Variants in ELMO1 observed in about 807,000 individuals in gnomAD.
ELMO1 encodes engulfment and cell motility protein 1.
In ELMO1, 26 loss-of-function variants were observed where a neutral mutation model predicts 98.9. That is an observed-to-expected ratio of 0.26 (90% CI 0.19 to 0.36). ELMO1 has a LOEUF of 0.36. Among genes scored for constraint, ELMO1 ranks in the 10% least tolerant of loss-of-function variants. The pLI, the probability that ELMO1 is intolerant of heterozygous loss-of-function variation, is 1.00. For missense variants in ELMO1, 627 were observed against 935.2 expected (o/e 0.67, Z 4.30); for synonymous variants, 346 against 346.0 (o/e 1.00, Z 0.00).
chr7:37,277,825 T>C (rs1179461921), intron 4 of ELMO1, among the ~76,000 whole-genome samples: 2 of 152,244 alleles, frequency 1.3e-5, no homozygotes, highest in African/African-American at 4.8e-5. Flanking sequence ...AACAGCACTT[T>C]GTATGCTTCC....
chr7:36,895,048 T>C (rs537716479), intron 16 of ELMO1, 31 bp from the exon 17 acceptor site: 3 of 1,610,852 alleles, frequency 1.9e-6, no homozygotes, highest in East Asian at 2.2e-5. Context: ...ATCATTTTCC[T>C]GGGGGCTGAC....
At chr7:36,860,248 G>C (rs1280550630) in intron 21 of ELMO1, among the ~76,000 whole-genome samples, 1 of 152,122 alleles carries the variant, frequency 6.6e-6, no homozygotes, top group East Asian at 1.9e-4. Flanking sequence ...TCAACTGTGT[G>C]GGGGGTTTGG....
chr7:36,888,739 C>T (rs141585689), intron 17 of ELMO1, among the ~76,000 whole-genome samples: 1,863 of 152,308 alleles, frequency 0.012, 20 homozygotes, highest in Non-Finnish European at 0.019. Flanking sequence ...AGTCCATAGG[C>T]CCATATTACC....
chr7:37,312,277 C>T (rs556279872), intron 4 of ELMO1, among the ~76,000 whole-genome samples: 17 of 152,278 alleles, frequency 1.1e-4, no homozygotes, highest in Admixed American at 7.2e-4. Context: ...TTAGTAGAGA[C>T]GTGGTTTTGC....
Position 37,135,690 on chromosome 7 carries a change from C to G in ELMO1, c.1087-2456G>C, listed in dbSNP as rs186767529. ...TAGGAGAAGGGGGAGAACACCACAT[C>G]AAGGGAGCACCCTGTAAGACAAAAG... On this transcript the variant is annotated intron_variant, in intron 13 of 21. Coordinates refer to ENST00000310758, the MANE Select transcript of ELMO1 (RefSeq NM_014800.11). 8.9e-4 allele frequency among the ~76,000 whole-genome samples: 135 copies of G among 152,300 alleles called. 1 individual carries two copies. The East Asian group carries it at 0.02, about 22-fold the overall frequency.
intron 1 of ELMO1, among the ~76,000 whole-genome samples, chr7:37,359,523 T>C (rs966929957): frequency 6.6e-6 from 1 of 152,166 alleles, no homozygotes; most frequent in African/African-American, 2.4e-5. Context: ...AGAGTGTACA[T>C]AGATTAACAC....
At chr7:37,219,809 A>G (rs1395373748) in intron 10 of ELMO1, among the ~76,000 whole-genome samples, 1 of 152,248 alleles carries the variant, frequency 6.6e-6, no homozygotes, top group Admixed American at 6.5e-5. Flanking sequence ...TTCTCTGAAT[A>G]TGAGAATAAA....
At chr7:37,230,065 C>T (rs888927293) in intron 8 of ELMO1, among the ~76,000 whole-genome samples, 1 of 152,078 alleles carries the variant, frequency 6.6e-6, no homozygotes, top group African/African-American at 2.4e-5. Context: ...TATTTAAATA[C>T]AGTACTTTTT....
chr7:36,873,333 T>C (rs1035897819), intron 19 of ELMO1, among the ~76,000 whole-genome samples: 4 of 152,178 alleles, frequency 2.6e-5, no homozygotes, highest in Admixed American at 1.3e-4. Context: ...CAGGGGGCTC[T>C]TGATGACTTC....
chr7:36,909,028 AAG>A (rs1272392261), intron 16 of ELMO1, among the ~76,000 whole-genome samples: 2 of 152,246 alleles, frequency 1.3e-5, no homozygotes, highest in Non-Finnish European at 2.9e-5. Flanking sequence ...TAAATGACAG[AAG>A]AGAGACTTGA....
chr7:37,011,103 CA>C (rs1562894875), intron 16 of ELMO1, among the ~76,000 whole-genome samples: 1 of 152,128 alleles, frequency 6.6e-6, no homozygotes, highest in African/African-American at 2.4e-5. Flanking sequence ...GTAAACAATG[CA>C]AAAAATGGCA....
chr7:37,247,734 G>A (rs1367336045), intron 6 of ELMO1, among the ~76,000 whole-genome samples: 1 of 152,162 alleles, frequency 6.6e-6, no homozygotes, highest in Non-Finnish European at 1.5e-5. Context: ...GAGGAGACGG[G>A]CCACCTGGGT....
At chr7:36,930,532 G>A (rs778946628) in intron 16 of ELMO1, among the ~76,000 whole-genome samples, 6 of 152,220 alleles carry the variant, frequency 3.9e-5, no homozygotes, top group Non-Finnish European at 5.9e-5. Flanking sequence ...AGCCTCCCAA[G>A]CCACATGCTG....
chr7:36,922,347 C>CAAAAA (rs750588423), intron 16 of ELMO1, among the ~76,000 whole-genome samples: 973 of 85,484 alleles, frequency 0.011, 18 homozygotes, highest in African/African-American at 0.032. Flanking sequence ...CACAGACTTG[C>CAAAAA]AAAAAAAAAA....
rs139603770 is a variant in ELMO1 at position 37,068,299 on chromosome 7, C to T, written c.1300+28320G>A. ...ACAGTAAGTTAGCAAGTGAGAGTGA[C>T]GTTAAAGAGATATTCTTGAACCCGC... On this transcript the variant is annotated intron_variant, in intron 15 of 21. Transcript: ENST00000310758. Among the ~76,000 whole-genome samples, 247 of 152,264 alleles carry T rather than the reference C, an allele frequency of 1.6e-3. 1 individual carries two copies. Among genetic ancestry groups the T allele is most frequent in the Admixed American group, 6.0e-3 (91 of 15,290 alleles).
chr7:36,856,925 C>T (rs769108424), intron 21 of ELMO1, among the ~76,000 whole-genome samples: 3 of 152,220 alleles, frequency 2.0e-5, no homozygotes, highest in Non-Finnish European at 4.4e-5. Context: ...CCCTCTTTAA[C>T]CTACTTTGGC....
intron 1 of ELMO1, among the ~76,000 whole-genome samples, chr7:37,437,898 G>A (rs528122800): frequency 0.018 from 399 of 22,664 alleles, 147 homozygotes; most frequent in African/African-American, 0.051. Context: ...GCGTGAACCC[G>A]GGAAGCGGAG....
chr7:37,410,498 A>T (rs997723862), intron 1 of ELMO1, among the ~76,000 whole-genome samples: 1 of 152,188 alleles, frequency 6.6e-6, no homozygotes, highest in Non-Finnish European at 1.5e-5. Flanking sequence ...AGAGGGCCAG[A>T]TGCCTCAGTT....
chr7:37,279,462 G>T (rs1000343537), intron 4 of ELMO1, among the ~76,000 whole-genome samples: 11 of 152,302 alleles, frequency 7.2e-5, no homozygotes, highest in Middle Eastern at 3.4e-3. Flanking sequence ...CCCTCTGAAG[G>T]AAGCAGACTG....
Sources: gnomAD v4.1 joint callset for allele counts (sites outside exome capture counted in the v4.1 genomes callset) on GRCh38, gnomAD v4.1.1 for gene constraint, MANE v1.5 for transcripts, NCBI Gene and HGNC (gene_info 2026-07-23, HGNC 2026-07-21) for gene names.